The following ZNF487 variants were observed in gnomAD, a reference collection of about 807,000 sequenced individuals.
ZNF487 encodes KRAB domain only 1.
In ZNF487, 4 loss-of-function variants were observed where a neutral mutation model predicts 3.0. That is an observed-to-expected ratio of 1.35 (90% CI 0.66 to 3.08). The LOEUF is 3.08. Among genes scored for constraint, ZNF487 ranks in the 30% most tolerant of loss-of-function variants. The probability of loss-of-function intolerance (pLI) is 0.01; values close to 1 mark genes in which losing one functional copy is unlikely to be tolerated. For missense variants in ZNF487, 146 were observed against 98.7 expected (o/e 1.48, Z -2.03); for synonymous variants, 55 against 34.6 (o/e 1.59, Z -2.06).
chr10:43,468,440 G>T (rs1376459778), intron 1 of ZNF487, among the ~76,000 whole-genome samples: 1 of 151,234 alleles, frequency 6.6e-6, no homozygotes, highest in East Asian at 2.0e-4. Flanking sequence ...AGCACTTTTG[G>T]AGGCTGAGGC....
chr10:43,490,918 C>T, the ZNF487 span, among the ~76,000 whole-genome samples: 1 of 151,032 alleles, frequency 6.6e-6, no homozygotes, highest in South Asian at 2.1e-4. Flanking sequence ...AGGTGATTTC[C>T]CCGCCTCAGA....
chr10:43,452,326 T>G (rs569732783), intron 1 of ZNF487: 34 of 152,226 alleles, frequency 2.2e-4, no homozygotes, highest in African/African-American at 7.7e-4. Context: ...GCATGTGCAT[T>G]GGAGCCTTCA....
chr10:43,478,745 A>G (rs1841196168), intron 3 of ZNF487, among the ~76,000 whole-genome samples: 2 of 151,930 alleles, frequency 1.3e-5, no homozygotes, highest in South Asian at 4.2e-4. Context: ...ATCAAGCTAT[A>G]TGGAGTTTGA....
the ZNF487 span, among the ~76,000 whole-genome samples, chr10:43,510,825 C>T: frequency 3.7e-4 from 56 of 152,302 alleles, no homozygotes; most frequent in Middle Eastern, 3.4e-3. Context: ...GGATTATAGG[C>T]GTGAGCCACC....
At chr10:43,516,954 C>T in the ZNF487 span, among the ~76,000 whole-genome samples, 1 of 152,234 alleles carries the variant, frequency 6.6e-6, no homozygotes, top group Non-Finnish European at 1.5e-5. Flanking sequence ...TAAAGGGACA[C>T]AGTATGCCTC....
the ZNF487 span, among the ~76,000 whole-genome samples, chr10:43,505,141 T>G: frequency 1.4e-4 from 22 of 152,166 alleles, no homozygotes; most frequent in African/African-American, 4.8e-4. Flanking sequence ...TGCCTCAGCC[T>G]CCCTAATAGC....
intron 1 of ZNF487, among the ~76,000 whole-genome samples, chr10:43,462,116 C>T (rs1424829064): frequency 6.6e-6 from 1 of 152,108 alleles, no homozygotes; most frequent in Non-Finnish European, 1.5e-5. Context: ...CTTAACATGA[C>T]TTTCTTTTTT....
Position 43,482,024 on chromosome 10 carries a change from G to C in ZNF487, c.*102G>C. The C allele has an allele frequency of 1.7e-6, 1 of 587,690 alleles. No homozygotes were observed. The highest frequency in any genetic ancestry group is 2.8e-5 in the East Asian group (1 of 35,684). The allele number at this position is 587,690 out of a possible 1,614,324, so 36.4% of individuals were successfully genotyped here. A position where few individuals can be genotyped will look rare whatever the true frequency, so the allele number is the denominator to read the frequency against. ...CACCATGAATTCAATGAATGTGAGA[G>C]GAGGTCTGGTGAGAGGCCACCTGTA... On this transcript the variant is annotated 3_prime_UTR_variant, in exon 4 of 4. Transcript: ENST00000437590.
chr10:43,498,100 T>TATATATA, the ZNF487 span, among the ~76,000 whole-genome samples: 35 of 9,350 alleles, frequency 3.7e-3, no homozygotes, highest in East Asian at 0.024. Context: ...TATATATATA[T>TATATATA]TTTTTTTTTT....
At chr10:43,467,828 AAAAAG>A (rs1208153234) in intron 1 of ZNF487, among the ~76,000 whole-genome samples, 1 of 151,920 alleles carries the variant, frequency 6.6e-6, no homozygotes, top group Non-Finnish European at 1.5e-5. Context: ...GAAAAAAAAA[AAAAAG>A]AAAAGAAAAA....
intron 1 of ZNF487, among the ~76,000 whole-genome samples, chr10:43,461,765 C>G (rs1840439404): frequency 6.6e-6 from 1 of 152,114 alleles, no homozygotes; most frequent in Non-Finnish European, 1.5e-5. Flanking sequence ...TTTCTAGGGT[C>G]TGGCTTTTCT....
the ZNF487 span, among the ~76,000 whole-genome samples, chr10:43,493,702 AAAAAAAAATATAT>A: frequency 2.4e-5 from 2 of 82,966 alleles, no homozygotes; most frequent in East Asian, 2.9e-4. Context: ...AAAGAAAAAA[AAAAAAAAATATAT>A]ATATATATAT....
chr10:43,455,408 C>T (rs935077958), intron 1 of ZNF487, among the ~76,000 whole-genome samples: 1 of 152,240 alleles, frequency 6.6e-6, no homozygotes, highest in Non-Finnish European at 1.5e-5. Flanking sequence ...TGACTACCAA[C>T]CACCACATCA....
At chr10:43,493,112 C>G in the ZNF487 span, among the ~76,000 whole-genome samples, 1 of 152,128 alleles carries the variant, frequency 6.6e-6, no homozygotes, top group Non-Finnish European at 1.5e-5. Flanking sequence ...TGCCTGTAAT[C>G]CCAGCTACTC....
chr10:43,458,088 TTGTC>T (rs1332833779), intron 1 of ZNF487: 1 of 152,162 alleles, frequency 6.6e-6, no homozygotes, highest in South Asian at 2.1e-4. Flanking sequence ...CTTTTAGAAT[TTGTC>T]TGGCAGGCTT....
At chr10:43,479,900 C>T (rs1038631197) in intron 3 of ZNF487, among the ~76,000 whole-genome samples, 3 of 152,046 alleles carry the variant, frequency 2.0e-5, no homozygotes, top group Non-Finnish European at 4.4e-5. Context: ...AGGTGATCCT[C>T]CTGCCTCGGC....
chr10:43,500,589 C>T, the ZNF487 span, among the ~76,000 whole-genome samples: 1 of 152,162 alleles, frequency 6.6e-6, no homozygotes, highest in African/African-American at 2.4e-5. Flanking sequence ...GCAACCTCTG[C>T]CTCCCGGGCT....
At chr10:43,477,757 G>A (rs1374778474) in intron 3 of ZNF487, among the ~76,000 whole-genome samples, 1 of 151,774 alleles carries the variant, frequency 6.6e-6, no homozygotes, top group Non-Finnish European at 1.5e-5. Flanking sequence ...TTCGAGACCA[G>A]CCTGACCAAT....
At chr10:43,489,869 A>G in the ZNF487 span, among the ~76,000 whole-genome samples, 2 of 152,350 alleles carry the variant, frequency 1.3e-5, no homozygotes, top group Middle Eastern at 3.4e-3. Flanking sequence ...AACAGCTGGA[A>G]CAAGAAGAAA....
Sources: gnomAD v4.1 joint callset for allele counts (sites outside exome capture counted in the v4.1 genomes callset) on GRCh38, gnomAD v4.1.1 for gene constraint, MANE v1.5 for transcripts, NCBI Gene and HGNC (gene_info 2026-07-23, HGNC 2026-07-21) for gene names.